RAB37: variants seen among roughly 807,000 people sequenced by gnomAD.
RAB37 encodes the protein ras-related protein Rab-37.
In RAB37, 29 loss-of-function variants were observed where a neutral mutation model predicts 33.1. That is an observed-to-expected ratio of 0.88 (90% CI 0.65 to 1.20). The LOEUF is 1.20. Among genes scored for constraint, RAB37 ranks in the 50% most tolerant of loss-of-function variants. The pLI is 0.00. For missense variants in RAB37, 299 were observed against 301.1 expected (o/e 0.99, Z 0.05); for synonymous variants, 128 against 119.5 (o/e 1.07, Z -0.47).
intron 1 of RAB37, among the ~76,000 whole-genome samples, chr17:74,718,933 T>C (rs774329773): frequency 5.3e-5 from 8 of 152,102 alleles, no homozygotes; most frequent in African/African-American, 9.7e-5. Flanking sequence ...GGCATTTTAA[T>C]ACAGGAAAAA....
upstream of RAB37, among the ~76,000 whole-genome samples, chr17:74,733,537 G>GGTGTGTGTGGT (rs2034423286): frequency 1.9e-3 from 1 of 516 alleles, no homozygotes; most frequent in Admixed American, 0.022. Flanking sequence ...TGATTTGAGG[G>GGTGTGTGTGGT]GTGAGGTGTG....
In RAB37 at chr17:74,744,623, TC is replaced by T. The variant is rs2034706622; in HGVS notation, c.433-247del. On this transcript the variant is annotated intron_variant, in intron 6 of 8. Transcript: ENST00000392613. The surrounding 1 kb of genome is among the most constrained non-coding windows in gnomAD (Gnocchi z 4.2). The stretch of plus-strand genomic sequence containing the variant: ...CCCCATTAGAGCAGAGTGAACAGGG[TC>T]CCAGGTCAGGGGCTAAGAGTGCAAA... 1 of 622,534 alleles carries T rather than the reference TC, an allele frequency of 1.6e-6. No individual in the cohort carries two copies. Among genetic ancestry groups the T allele is most frequent in the South Asian group, 1.9e-5 (1 of 51,656 alleles). The allele number at this position is 622,534 out of a possible 1,614,324, so 38.6% of individuals were successfully genotyped here.
chr17:74,708,732 C>A (rs190720983), intron 1 of RAB37, among the ~76,000 whole-genome samples: 1 of 151,722 alleles, frequency 6.6e-6, no homozygotes, highest in Non-Finnish European at 1.5e-5. Context: ...CTGGCTAACA[C>A]GGTGAAACCC....
At chr17:74,706,969 AC>A (rs1361240980) in intron 1 of RAB37, among the ~76,000 whole-genome samples, 2 of 152,216 alleles carry the variant, frequency 1.3e-5, no homozygotes, top group African/African-American at 2.4e-5. Context: ...TTATCTCACA[AC>A]ATATACAAAA....
upstream of RAB37, among the ~76,000 whole-genome samples, chr17:74,734,242 A>G (rs2034433924): frequency 6.6e-6 from 1 of 151,486 alleles, no homozygotes; most frequent in African/African-American, 2.4e-5. Flanking sequence ...TTGCAGCCAC[A>G]CTCCTCCCAT....
intron 1 of RAB37, among the ~76,000 whole-genome samples, chr17:74,681,546 C>T (rs2031955383): frequency 6.6e-6 from 1 of 152,212 alleles, no homozygotes; most frequent in Non-Finnish European, 1.5e-5. Context: ...CTCAACCAAA[C>T]CCAAAACACC....
At chr17:74,685,762 G>A (rs992420621) in intron 1 of RAB37, among the ~76,000 whole-genome samples, 1 of 152,166 alleles carries the variant, frequency 6.6e-6, no homozygotes, top group Non-Finnish European at 1.5e-5. Flanking sequence ...AAATGCTAGT[G>A]AAGCCCAGGT....
At position 74,745,699 on chromosome 17, in the gene RAB37, T is replaced by C. The variant is rs2034744730; in HGVS notation, c.*288T>C. The C allele has an allele frequency of 3.0e-6, 1 of 338,156 alleles. No individual in the cohort carries two copies. Among genetic ancestry groups the C allele is most frequent in the Non-Finnish European group, 5.4e-6 (1 of 183,504 alleles). The allele number at this position is 338,156 out of a possible 1,614,324, so 20.9% of individuals were successfully genotyped here. A position where few individuals can be genotyped will look rare whatever the true frequency, so the allele number is the denominator to read the frequency against. On this transcript the variant is annotated 3_prime_UTR_variant, in exon 9 of 9. Transcript: ENST00000392613. The surrounding 1 kb of genome is among the most constrained non-coding windows in gnomAD (Gnocchi z 4.5). ...ACCGAGGCTGGGAGCTAGTGGCCCT[T>C]TTGCTTTCTAGGACTTGGGGGGCCG... is the stretch of plus-strand genomic sequence containing the variant.
rs952249537 is a variant in RAB37 at position 74,730,245 on chromosome 17, C to T, written c.183+879C>T. Among the ~76,000 whole-genome samples, 2 of 152,180 alleles carry T rather than the reference C, an allele frequency of 1.3e-5. No homozygotes were observed. The highest frequency in any genetic ancestry group is 2.9e-5 in the Non-Finnish European group (2 of 68,036). ...TCAAGATGGGGAAGAGCAAACATCT[C>T]TTCTTGGACAACGCGGATGTTTGGG... is the stretch of plus-strand genomic sequence containing the variant. On this transcript the variant is annotated intron_variant, in intron 2 of 7. Transcript: ENST00000340415. This position sits in a 1 kb window ranked among gnomAD's most constrained non-coding sequence, Gnocchi z 4.4.
At chr17:74,698,521 C>A (rs1228685891) in intron 1 of RAB37, 5 of 1,576,998 alleles carry the variant, frequency 3.2e-6, no homozygotes. Flanking sequence ...CCCAGGCTCA[C>A]CACCTGCCTC....
chr17:74,688,552 CAAA>C (rs34832046), intron 1 of RAB37, among the ~76,000 whole-genome samples: 2 of 113,226 alleles, frequency 1.8e-5, no homozygotes, highest in African/African-American at 4.4e-5. Flanking sequence ...GACTGCACCT[CAAA>C]AAAAAAAAAA....
rs1281382003 is a variant in RAB37 at position 74,746,031 on chromosome 17, A to G, written c.*620A>G. 1 of 152,476 alleles carries G rather than the reference A, an allele frequency of 6.6e-6. No homozygotes were observed. The highest frequency in any genetic ancestry group is 2.4e-5 in the African/African-American group (1 of 41,414). 9.4% of individuals were successfully genotyped at this position (152,476 alleles called of 1,614,324 possible). Reference sequence around the variant, plus strand: ...GGTCTAGCTGGCTATCTCTGGCCTTACTAACACCCCCCTGGAGGCATGCCC... The same window carrying G: ...GGTCTAGCTGGCTATCTCTGGCCTTGCTAACACCCCCCTGGAGGCATGCCC... On this transcript the variant is annotated 3_prime_UTR_variant, in exon 9 of 9. Coordinates refer to ENST00000392613, the MANE Select transcript of RAB37 (RefSeq NM_001006638.3). The surrounding 1 kb of genome is among the most constrained non-coding windows in gnomAD (Gnocchi z 5.2).
At chr17:74,736,023 T>C (rs2034469576), upstream of RAB37, among the ~76,000 whole-genome samples, 1 of 152,088 alleles carries the variant, frequency 6.6e-6, no homozygotes, top group East Asian at 1.9e-4. Context: ...TTGGCCAACA[T>C]GGCAAAACCC....
intron 1 of RAB37, among the ~76,000 whole-genome samples, chr17:74,684,539 G>A (rs995449490): frequency 6.6e-6 from 1 of 151,898 alleles, no homozygotes; most frequent in African/African-American, 2.4e-5. Flanking sequence ...TATAATCCCA[G>A]CACTTTCGGA....
chr17:74,742,166 G>A lies in RAB37; in HGVS notation c.205-88G>A, dbSNP rs1042011186. 6 of 1,533,606 alleles carry A rather than the reference G, an allele frequency of 3.9e-6. No homozygotes were observed. Among genetic ancestry groups the A allele is most frequent in the Non-Finnish European group, 5.3e-6 (6 of 1,128,346 alleles). The allele number at this position is 1,533,606 out of a possible 1,614,324, so 95.0% of individuals were successfully genotyped here. ...CTGGGGCTCACTGCACCCACTCTAG[G>A]CCTGGAGAGGGAACAAGACAGGACG... is the stretch of plus-strand genomic sequence containing the variant. On this transcript the variant is annotated intron_variant, in intron 2 of 8. Transcript: ENST00000392613. The surrounding 1 kb of genome is among the most constrained non-coding windows in gnomAD (Gnocchi z 4.0).
chr17:74,689,262 G>A (rs1567777047), intron 1 of RAB37, among the ~76,000 whole-genome samples: 2 of 152,048 alleles, frequency 1.3e-5, no homozygotes, highest in Non-Finnish European at 2.9e-5. Flanking sequence ...GACCAACATG[G>A]TGAAGCCCCG....
intron 1 of RAB37, among the ~76,000 whole-genome samples, chr17:74,679,023 A>G (rs938776822): frequency 3.3e-5 from 5 of 151,856 alleles, no homozygotes; most frequent in African/African-American, 1.2e-4. Context: ...AGGCAGGAGA[A>G]TCACTTGAAC....
chr17:74,715,758 T>C (rs894525298), intron 1 of RAB37, among the ~76,000 whole-genome samples: 14 of 152,272 alleles, frequency 9.2e-5, no homozygotes, highest in African/African-American at 2.9e-4. Context: ...CCGGGCACGG[T>C]GGCTTACACC....
chr17:74,722,030 T>C (rs1378392388), intron 1 of RAB37, among the ~76,000 whole-genome samples: 3 of 151,882 alleles, frequency 2.0e-5, no homozygotes, highest in African/African-American at 7.2e-5. Flanking sequence ...GCACAGTGGC[T>C]CACGCCTGTA....
Sources: gnomAD v4.1 joint callset for allele counts (sites outside exome capture counted in the v4.1 genomes callset) on GRCh38, gnomAD v4.1.1 for gene constraint, Gnocchi (gnomAD v3.1) non-coding constraint, MANE v1.5 for transcripts, NCBI Gene and HGNC (gene_info 2026-07-23, HGNC 2026-07-21) for gene names.